Variants in RAPGEF4 observed in about 807,000 individuals in gnomAD.
RAPGEF4 encodes the protein RAP guanine-nucleotide-exchange factor (GEF) 4.
Under a neutral mutation model 147.9 loss-of-function variants are expected in RAPGEF4, and 66 were observed. That is an observed-to-expected ratio of 0.45 (90% CI 0.37 to 0.55). The LOEUF (loss-of-function observed/expected upper bound fraction) is 0.55. Among genes scored for constraint, RAPGEF4 ranks in the 20% least tolerant of loss-of-function variants. The probability of loss-of-function intolerance (pLI) is 0.00; values close to 1 mark genes in which losing one functional copy is unlikely to be tolerated. For missense variants in RAPGEF4, 1,071 were observed against 1,257.3 expected, an observed-to-expected ratio of 0.85 and a Z score of 2.24; for synonymous variants, 419 against 442.7, an observed-to-expected ratio of 0.95 and a Z score of 0.67.
At chr2:172,976,388 C>G (rs1691067558) in intron 10 of RAPGEF4, among the ~76,000 whole-genome samples, 1 of 152,160 alleles carries the variant, frequency 6.6e-6, no homozygotes, top group Admixed American at 6.5e-5. Context: ...CTGCACTAAA[C>G]TTTCCTTTAA....
At chr2:172,963,780 TTA>T (rs1294722243) in intron 8 of RAPGEF4, among the ~76,000 whole-genome samples, 7 of 152,216 alleles carry the variant, frequency 4.6e-5, no homozygotes, top group Non-Finnish European at 7.3e-5. Flanking sequence ...TCTCACTCCA[TTA>T]TATTATTGCC....
At chr2:172,872,947 T>C (rs1221388243) in intron 4 of RAPGEF4, among the ~76,000 whole-genome samples, 1 of 152,142 alleles carries the variant, frequency 6.6e-6, no homozygotes, top group Non-Finnish European at 1.5e-5. Context: ...TCTATGTCTG[T>C]GAAGAGTTCA....
intron 1 of RAPGEF4, among the ~76,000 whole-genome samples, chr2:172,779,741 G>A (rs1684511854): frequency 6.6e-6 from 1 of 152,186 alleles, no homozygotes; most frequent in Admixed American, 6.5e-5. Flanking sequence ...GTGGAAGCAG[G>A]GATTGCTGCT....
rs1338249446 is a variant in RAPGEF4, at chr2:173,027,149, C to A, written c.2448C>A (p.Phe816Leu). ...AGACCACAGCAAACTTGGATTTGTT[C>A]CTGAGGAGATTTAATGAAATTCAGT... ...FKKTTANLDLFLRRFNEIQFW... is the reference protein window; with the variant it reads ...FKKTTANLDLLLRRFNEIQFW... Residue 816 changes from phenylalanine to leucine, a missense_variant, in exon 25 of 31, where the codon TTC (phenylalanine) becomes TTA (leucine). Phe to Leu is a conservative substitution (Grantham distance 22, BLOSUM62 0). Transcript: ENST00000397081. 2 of 1,613,342 alleles carry A rather than the reference C, an allele frequency of 1.2e-6. No individual in the cohort carries two copies. Among genetic ancestry groups the A allele is most frequent in the Non-Finnish European group, 1.7e-6 (2 of 1,179,630 alleles).
intron 17 of RAPGEF4, among the ~76,000 whole-genome samples, chr2:173,008,827 A>G (rs1347532993): frequency 6.6e-6 from 1 of 152,230 alleles, no homozygotes; most frequent in South Asian, 2.1e-4. Flanking sequence ...GTGGTGAGTA[A>G]GATAATAACT....
chr2:172,755,749 T>C (rs989320072), intron 1 of RAPGEF4, among the ~76,000 whole-genome samples: 10 of 152,150 alleles, frequency 6.6e-5, no homozygotes, highest in Admixed American at 1.3e-4. Flanking sequence ...TGCAAAAACA[T>C]GTACAGGGAG....
At chr2:172,954,290 C>G (rs1427422137) in intron 6 of RAPGEF4, among the ~76,000 whole-genome samples, 2 of 152,184 alleles carry the variant, frequency 1.3e-5, no homozygotes, top group African/African-American at 4.8e-5. Flanking sequence ...AATCAGGACT[C>G]TGGATTTTCC....
At chr2:172,820,209 G>A (rs1688936776) in intron 4 of RAPGEF4, among the ~76,000 whole-genome samples, 1 of 152,096 alleles carries the variant, frequency 6.6e-6, no homozygotes, top group Non-Finnish European at 1.5e-5. Flanking sequence ...GATTAGAGAG[G>A]TGCTCTTGGT....
At chr2:173,023,746 C>A (rs1696346630) in intron 23 of RAPGEF4, among the ~76,000 whole-genome samples, 1 of 152,118 alleles carries the variant, frequency 6.6e-6, no homozygotes, top group Non-Finnish European at 1.5e-5. Context: ...AAACTTGTCC[C>A]CCTTATGTAA....
chr2:172,940,521 G>T (rs1318921595), intron 6 of RAPGEF4, among the ~76,000 whole-genome samples: 3 of 152,016 alleles, frequency 2.0e-5, no homozygotes, highest in African/African-American at 4.8e-5. Context: ...CATGTGAAGT[G>T]CCTGCTCCCA....
chr2:172,850,761 A>C (rs751122157), intron 4 of RAPGEF4, among the ~76,000 whole-genome samples: 1 of 152,246 alleles, frequency 6.6e-6, no homozygotes, highest in Non-Finnish European at 1.5e-5. Context: ...TTCTATGGAC[A>C]CATCAATGTA....
chr2:172,963,556 C>A (rs1689518270), intron 8 of RAPGEF4, among the ~76,000 whole-genome samples: 1 of 152,154 alleles, frequency 6.6e-6, no homozygotes, highest in African/African-American at 2.4e-5. Context: ...AAACCATAAT[C>A]TCTTTTGTGC....
At chr2:172,819,058 T>G (rs1688791792) in intron 4 of RAPGEF4, among the ~76,000 whole-genome samples, 1 of 152,214 alleles carries the variant, frequency 6.6e-6, no homozygotes, top group Non-Finnish European at 1.5e-5. Flanking sequence ...TTCCCTAAGA[T>G]ATAACTGAGG....
At chr2:172,899,821 G>A (rs1439057729) in intron 4 of RAPGEF4, among the ~76,000 whole-genome samples, 1 of 152,204 alleles carries the variant, frequency 6.6e-6, no homozygotes, top group Non-Finnish European at 1.5e-5. Context: ...TATCCTGTAT[G>A]TAGGTATGGC....
At chr2:172,855,085 G>T (rs1399372744) in intron 4 of RAPGEF4, among the ~76,000 whole-genome samples, 2 of 152,108 alleles carry the variant, frequency 1.3e-5, no homozygotes, top group Admixed American at 1.3e-4. Context: ...CAGCTGATTG[G>T]CAAGTTTCTT....
At chr2:172,748,557 A>T (rs1486344108) in intron 1 of RAPGEF4, among the ~76,000 whole-genome samples, 2 of 152,134 alleles carry the variant, frequency 1.3e-5, no homozygotes, top group Admixed American at 6.5e-5. Flanking sequence ...GTTATCTCCC[A>T]CCGGGTCCCC....
intron 4 of RAPGEF4, among the ~76,000 whole-genome samples, chr2:172,867,255 G>A (rs1372172690): frequency 6.6e-6 from 1 of 152,028 alleles, no homozygotes; most frequent in Non-Finnish European, 1.5e-5. Context: ...TTACAGGTGT[G>A]AGCCACTGTG....
intron 10 of RAPGEF4, among the ~76,000 whole-genome samples, chr2:172,979,385 A>T (rs1286725613): frequency 1.3e-5 from 2 of 152,190 alleles, no homozygotes; most frequent in African/African-American, 4.8e-5. Context: ...GCCATATTAA[A>T]CACCCACCCT....
chr2:172,862,025 A>C (rs1013717241), intron 4 of RAPGEF4, among the ~76,000 whole-genome samples: 3 of 152,246 alleles, frequency 2.0e-5, no homozygotes, highest in African/African-American at 7.2e-5. Flanking sequence ...GCAATGGCCA[A>C]ATGAGGTATT....
Sources: allele counts gnomAD v4.1 joint callset (sites outside exome capture counted in the v4.1 genomes callset), GRCh38; gene constraint gnomAD v4.1.1; transcripts MANE v1.5; gene names NCBI Gene and HGNC (gene_info 2026-07-23, HGNC 2026-07-21).